Variants in TRPC1 observed in about 807,000 individuals in gnomAD.
TRPC1 encodes the protein transient receptor potential cation channel subfamily C member 1.
A neutral mutation model predicts 88.2 loss-of-function variants in TRPC1; 42 were observed. That is an observed-to-expected ratio of 0.48 (90% CI 0.37 to 0.62). The LOEUF (loss-of-function observed/expected upper bound fraction) is 0.62. TRPC1 is among the 20% of genes least tolerant of loss of function. The pLI is 0.00. For synonymous variants in TRPC1, 288 were observed against 331.8 expected (o/e 0.87, Z 1.43); for missense variants, 699 against 957.3 (o/e 0.73, Z 3.56).
chr3:142,732,854 A>G (rs1196785849), intron 1 of TRPC1, among the ~76,000 whole-genome samples: 1 of 152,232 alleles, frequency 6.6e-6, no homozygotes, highest in Non-Finnish European at 1.5e-5. Flanking sequence ...TGTCATACAC[A>G]GGCATTTTGA....
intron 8 of TRPC1, among the ~76,000 whole-genome samples, chr3:142,791,581 A>G (rs561784490): frequency 3.3e-5 from 5 of 152,248 alleles, no homozygotes; most frequent in African/African-American, 9.6e-5. Flanking sequence ...CTAGATGCCA[A>G]TTCCTTATAT....
At chr3:142,736,868 A>G (rs1934157653) in intron 2 of TRPC1, among the ~76,000 whole-genome samples, 1 of 152,150 alleles carries the variant, frequency 6.6e-6, no homozygotes. Context: ...TATCTAAAAT[A>G]GTACAAATAC....
rs112952616 is a variant in TRPC1, at chr3:142,790,034, G to T, written c.1298-985G>T. On this transcript the variant is annotated intron_variant, in intron 7 of 12. Transcript: ENST00000476941. ...AAGAAAGGTAAAAGCAGAGTTAGGA[G>T]AATTGGGAGTGGGGGACAATTTTAA... is the stretch of plus-strand genomic sequence containing the variant. 2.7e-3 allele frequency among the ~76,000 whole-genome samples: 416 copies of T among 152,254 alleles called. 4 individuals carry two copies. Among genetic ancestry groups the T allele is most frequent in the African/African-American group, 9.7e-3 (401 of 41,550 alleles).
chr3:142,741,186 CTA>C (rs1383988986), intron 2 of TRPC1, among the ~76,000 whole-genome samples: 1 of 151,266 alleles, frequency 6.6e-6, no homozygotes, highest in Non-Finnish European at 1.5e-5. Context: ...TTTTGTATAA[CTA>C]TGTATTTTTA....
chr3:142,744,989 T>A (rs547698170), intron 3 of TRPC1, among the ~76,000 whole-genome samples: 1 of 152,136 alleles, frequency 6.6e-6, no homozygotes, highest in Non-Finnish European at 1.5e-5. Flanking sequence ...GTTTGAGAAA[T>A]GTGAGAGGCT....
At chr3:142,732,785 A>G (rs1265269205) in intron 1 of TRPC1, among the ~76,000 whole-genome samples, 2 of 152,238 alleles carry the variant, frequency 1.3e-5, no homozygotes, top group African/African-American at 2.4e-5. Context: ...TTAAAAGACA[A>G]AAGATGTAAC....
At chr3:142,751,455 TA>T (rs1223850067) in intron 4 of TRPC1, among the ~76,000 whole-genome samples, 16 of 152,348 alleles carry the variant, frequency 1.1e-4, no homozygotes, top group African/African-American at 3.6e-4. Flanking sequence ...ATAGCCTAGG[TA>T]TTTAATGGGC....
At chr3:142,790,975 T>G in intron 7 of TRPC1, 44 bp from the exon 8 acceptor site, 1 of 1,455,310 alleles carries the variant, frequency 6.9e-7, no homozygotes, top group Non-Finnish European at 9.1e-7. Flanking sequence ...GTTTATTTAT[T>G]GAATTAAGAA....
intron 4 of TRPC1, among the ~76,000 whole-genome samples, chr3:142,772,504 CAAAT>C (rs1185927753): frequency 6.6e-6 from 1 of 152,106 alleles, no homozygotes. Flanking sequence ...GCTTAAAAAA[CAAAT>C]TTTGTGGCTG....
chr3:142,800,052 C>A (rs372325048), intron 9 of TRPC1, among the ~76,000 whole-genome samples: 2 of 152,094 alleles, frequency 1.3e-5, no homozygotes, highest in African/African-American at 4.8e-5. Context: ...TTATCAAAAG[C>A]AGTTACTGTA....
intron 4 of TRPC1, among the ~76,000 whole-genome samples, chr3:142,754,307 A>G (rs1428354315): frequency 3.3e-5 from 5 of 152,084 alleles, no homozygotes; most frequent in Non-Finnish European, 7.4e-5. Context: ...AGGAGTCTTT[A>G]TTTATTATCT....
At chr3:142,805,014 T>C (rs1268592979) in intron 12 of TRPC1, among the ~76,000 whole-genome samples, 3 of 151,928 alleles carry the variant, frequency 2.0e-5, no homozygotes, top group Non-Finnish European at 2.9e-5. Context: ...GGCAGGAGAA[T>C]TGCTTGAACC....
At chr3:142,798,380 CAT>C (rs1376617113) in intron 9 of TRPC1, among the ~76,000 whole-genome samples, 3 of 152,120 alleles carry the variant, frequency 2.0e-5, no homozygotes, top group Non-Finnish European at 4.4e-5. Flanking sequence ...AGGAGACAAA[CAT>C]AACATAAATA....
At chr3:142,804,256 T>C in intron 11 of TRPC1, 78 bp downstream of exon 11, 1 of 1,258,396 alleles carries the variant, frequency 7.9e-7, no homozygotes, top group Non-Finnish European at 1.1e-6. Context: ...TAGCCAAAGA[T>C]TATAAGATTA....
chr3:142,805,903 A>G, intron 12 of TRPC1, 105 bp from the exon 13 acceptor site: 2 of 972,484 alleles, frequency 2.1e-6, no homozygotes, highest in Non-Finnish European at 3.1e-6. Flanking sequence ...CTATAGTCTA[A>G]TAAAGCATTT....
At chr3:142,740,870 T>C (rs1182670341) in intron 2 of TRPC1, among the ~76,000 whole-genome samples, 1 of 152,170 alleles carries the variant, frequency 6.6e-6, no homozygotes, top group African/African-American at 2.4e-5. Flanking sequence ...CAAAGAGTGA[T>C]GAAGGATTTA....
At chr3:142,804,699 A>G in intron 12 of TRPC1, 69 bp downstream of exon 12, 2 of 1,465,282 alleles carry the variant, frequency 1.4e-6, no homozygotes, top group South Asian at 1.4e-5. Context: ...TATTTCTTAA[A>G]GCGTAAGTAT....
At chr3:142,752,374 G>A (rs560006341) in intron 4 of TRPC1, among the ~76,000 whole-genome samples, 251 of 152,366 alleles carry the variant, frequency 1.6e-3, no homozygotes, top group African/African-American at 5.9e-3. Flanking sequence ...CGTGCACGTA[G>A]GCCAGATTTA....
In TRPC1 at chr3:142,776,867, C is replaced by T. The variant is rs1386077954; in HGVS notation, c.633-765C>T. On this transcript the variant is annotated intron_variant, in intron 4 of 12. Coordinates refer to ENST00000476941, the MANE Select transcript of TRPC1 (RefSeq NM_001251845.2). The surrounding 1 kb of genome is among the most constrained non-coding windows in gnomAD (Gnocchi z 4.1). ...GCGGTGAGCCGAGATCGTGCCATTG[C>T]ACTCCGGTCTGGTGACAGAGTGAGA... is the stretch of plus-strand genomic sequence containing the variant. Among the ~76,000 whole-genome samples, 1 of 150,826 alleles carries T rather than the reference C, an allele frequency of 6.6e-6. No individual in the cohort carries two copies. The highest frequency in any genetic ancestry group is 2.4e-5 in the African/African-American group (1 of 40,934).
Sources: gnomAD v4.1 joint callset for allele counts (sites outside exome capture counted in the v4.1 genomes callset) on GRCh38, gnomAD v4.1.1 for gene constraint, Gnocchi (gnomAD v3.1) non-coding constraint, MANE v1.5 for transcripts, NCBI Gene and HGNC (gene_info 2026-07-23, HGNC 2026-07-21) for gene names.